The following UBE2E3 variants were observed in gnomAD, a reference collection of about 807,000 sequenced individuals.
UBE2E3 encodes the protein ubiquitin-conjugating enzyme E2 E3.
UBE2E3 carries 5 observed loss-of-function variants against 23.6 expected under a neutral mutation model. The ratio of observed to expected loss-of-function variants is 0.21; its 90% confidence interval spans 0.11 to 0.44. UBE2E3 has a LOEUF of 0.44. Among genes scored for constraint, UBE2E3 ranks in the 20% least tolerant of loss-of-function variants. The pLI, the probability that UBE2E3 is intolerant of heterozygous loss-of-function variation, is 0.99. For missense variants in UBE2E3, 81 were observed against 249.8 expected, an observed-to-expected ratio of 0.32 and a Z score of 4.55; for synonymous variants, 78 against 87.5, an observed-to-expected ratio of 0.89 and a Z score of 0.60.
chr2:181,060,393 C>T (rs553491869), intron 4 of UBE2E3, among the ~76,000 whole-genome samples: 1 of 151,798 alleles, frequency 6.6e-6, no homozygotes, highest in East Asian at 1.9e-4. Flanking sequence ...TGCAAACAGA[C>T]GTACCCACAC....
chr2:180,980,596 G>C (rs1158082867), upstream of UBE2E3: 2 of 146,976 alleles, frequency 1.4e-5, no homozygotes, highest in Non-Finnish European at 3.0e-5. The surrounding 1 kb of genome is among the most constrained non-coding windows in gnomAD (Gnocchi z 5.5). Context: ...TCCCCCCCGC[G>C]CTCGCCTCGG....
At chr2:180,983,058 T>C (rs535180725) in intron 2 of UBE2E3, among the ~76,000 whole-genome samples, 1 of 152,354 alleles carries the variant, frequency 6.6e-6, no homozygotes, top group East Asian at 1.9e-4. Context: ...TCAGTGGTAG[T>C]AGTAGTGGAA....
chr2:181,008,450 A>G (rs1685217218), intron 3 of UBE2E3, among the ~76,000 whole-genome samples: 1 of 152,226 alleles, frequency 6.6e-6, no homozygotes, highest in Non-Finnish European at 1.5e-5. Context: ...TAACTGCCAC[A>G]CTGCACTAGT....
intron 3 of UBE2E3, among the ~76,000 whole-genome samples, chr2:181,027,072 A>G (rs1208062615): frequency 6.6e-6 from 1 of 151,890 alleles, no homozygotes; most frequent in Non-Finnish European, 1.5e-5. Flanking sequence ...TTATCCTACT[A>G]CTAGGAATGT....
intron 3 of UBE2E3, among the ~76,000 whole-genome samples, chr2:181,026,943 C>A (rs1242293709): frequency 6.6e-6 from 1 of 151,760 alleles, no homozygotes; most frequent in Non-Finnish European, 1.5e-5. Flanking sequence ...AGGCAATTTG[C>A]ATTTATAATT....
rs2105641921 is a variant in UBE2E3, at chr2:181,029,054, A to G, written c.246-28639A>G. Among the ~76,000 whole-genome samples the G allele has an allele frequency of 2.6e-5, 4 of 152,164 alleles. No individual in the cohort carries two copies. The South Asian group carries it at 8.3e-4, about 32-fold the overall frequency. On this transcript the variant is annotated intron_variant, in intron 3 of 5. Coordinates refer to ENST00000410062, the MANE Select transcript of UBE2E3 (RefSeq NM_006357.4). ...GTAGTCCAATTTCATTTTTCTCCAT[A>G]TGGATAACTATTTGTTTTAGTAACT... is the stretch of plus-strand genomic sequence containing the variant.
rs1017051358 is a variant in UBE2E3 at position 181,057,957 on chromosome 2, G to T, written c.378+132G>T. On this transcript the variant is annotated intron_variant, in intron 4 of 5. Transcript: ENST00000410062. ...TTCATGGATTGATATGGAAATTTTC[G>T]CATAATCAAGAATTTTAAAACAGTA... 1.1e-5 allele frequency: 10 copies of T among 911,434 alleles called. No homozygotes were observed. The African/African-American group carries it at 1.5e-4, about 14-fold the overall frequency. The allele number at this position is 911,434 out of a possible 1,614,324, so 56.5% of individuals were successfully genotyped here. A position where few individuals can be genotyped will look rare whatever the true frequency, so the allele number is the denominator to read the frequency against.
At position 181,060,861 on chromosome 2, in the gene UBE2E3, C is replaced by CTTT. The variant is rs71029902; in HGVS notation, c.526+74_526+76dup. 5.2e-4 allele frequency: 130 copies of CTTT among 249,100 alleles called. 3 individuals carry two copies. The African/African-American group carries it at 6.2e-3, about 12-fold the overall frequency. 15.4% of individuals were successfully genotyped at this position (249,100 alleles called of 1,614,324 possible). ...TACAATAAGACTACAAAAACGAGTG[C>CTTT]TTTTTTTTTTTTTTTTTTTTTTTTT... On this transcript the variant is annotated intron_variant, in intron 5 of 5. Transcript: ENST00000410062.
chr2:180,988,253 T>C (rs939359669), intron 3 of UBE2E3, among the ~76,000 whole-genome samples: 1 of 152,168 alleles, frequency 6.6e-6, no homozygotes, highest in Non-Finnish European at 1.5e-5. Context: ...GCATTTTCTC[T>C]AGTGCATTGA....
intron 3 of UBE2E3, among the ~76,000 whole-genome samples, chr2:180,997,826 G>T (rs775498770): frequency 6.6e-6 from 1 of 152,084 alleles, no homozygotes; most frequent in Non-Finnish European, 1.5e-5. Flanking sequence ...CCTTCAAGTG[G>T]TAGTGATCTT....
chr2:181,004,794 AAT>A (rs1297703725), intron 3 of UBE2E3, among the ~76,000 whole-genome samples: 3 of 152,170 alleles, frequency 2.0e-5, no homozygotes, highest in Non-Finnish European at 2.9e-5. Flanking sequence ...TGAAAAAAGT[AAT>A]ATATATATAC....
chr2:181,024,018 C>T (rs2105632251), intron 3 of UBE2E3, among the ~76,000 whole-genome samples: 1 of 152,092 alleles, frequency 6.6e-6, no homozygotes, highest in Non-Finnish European at 1.5e-5. Context: ...CATTTGTAAC[C>T]TCTCCCAGTA....
intron 3 of UBE2E3, 115 bp downstream of exon 3, chr2:180,984,208 T>A: frequency 1.2e-6 from 1 of 831,404 alleles, no homozygotes; most frequent in East Asian, 2.8e-5. Flanking sequence ...TTTACAGCTT[T>A]GCAAGTGCAT....
At chr2:181,049,320 G>A (rs534068234) in intron 3 of UBE2E3, among the ~76,000 whole-genome samples, 104 of 152,170 alleles carry the variant, frequency 6.8e-4, no homozygotes, top group Non-Finnish European at 1.3e-3. Context: ...CACACCCACA[G>A]TTTATCCTGG....
intron 3 of UBE2E3, among the ~76,000 whole-genome samples, chr2:181,008,601 T>TA (rs1161295706): frequency 6.6e-6 from 1 of 152,198 alleles, no homozygotes; most frequent in East Asian, 1.9e-4. Context: ...AGGGCAGCAT[T>TA]AGGGGCAGCC....
intron 3 of UBE2E3, among the ~76,000 whole-genome samples, chr2:181,039,183 T>A (rs983190682): frequency 2.0e-5 from 3 of 148,658 alleles, no homozygotes; most frequent in Non-Finnish European, 4.5e-5. Context: ...CGAGGAAACA[T>A]TTTTGGGGTG....
intron 3 of UBE2E3, among the ~76,000 whole-genome samples, chr2:180,994,345 G>C (rs941424567): frequency 1.3e-5 from 2 of 152,088 alleles, no homozygotes; most frequent in Admixed American, 6.5e-5. Context: ...TCCAGTTTCA[G>C]TAGTTACCTA....
intron 3 of UBE2E3, among the ~76,000 whole-genome samples, chr2:181,047,145 CTT>C (rs1686695005): frequency 6.6e-6 from 1 of 152,142 alleles, no homozygotes. Flanking sequence ...TTCTAACACA[CTT>C]TTCAAACCCA....
At chr2:181,020,650 C>G (rs562859612) in intron 3 of UBE2E3, among the ~76,000 whole-genome samples, 48 of 152,226 alleles carry the variant, frequency 3.2e-4, no homozygotes, top group African/African-American at 1.1e-3. Context: ...TTCTTTGTTT[C>G]TTGTGTCTAA....
Sources: allele counts gnomAD v4.1 joint callset (sites outside exome capture counted in the v4.1 genomes callset), GRCh38; gene constraint gnomAD v4.1.1; non-coding constraint Gnocchi (gnomAD v3.1); transcripts MANE v1.5; gene names NCBI Gene and HGNC (gene_info 2026-07-23, HGNC 2026-07-21).